STRN3: variants seen among roughly 807,000 people sequenced by gnomAD.
The protein encoded by STRN3 is striatin 3.
STRN3 carries 29 observed loss-of-function variants against 95.6 expected under a neutral mutation model. The ratio of observed to expected loss-of-function variants is 0.30; its 90% CI spans 0.23 to 0.41. The LOEUF is 0.41. Ranked by LOEUF, STRN3 falls within the 10% of genes least tolerant of loss-of-function variation. The pLI is 1.00. For missense variants in STRN3, 890 were observed against 972.1 expected (o/e 0.92, Z 1.12); for synonymous variants, 331 against 357.6 (o/e 0.93, Z 0.84).
intron 8 of STRN3, among the ~76,000 whole-genome samples, chr14:30,923,140 T>G (rs1468554339): frequency 6.6e-6 from 1 of 152,186 alleles, no homozygotes; most frequent in Non-Finnish European, 1.5e-5. Flanking sequence ...AACAGATAAT[T>G]TGTAGTGTGA....
At chr14:30,923,484 CA>C (rs1312978723) in intron 8 of STRN3, among the ~76,000 whole-genome samples, 1 of 151,532 alleles carries the variant, frequency 6.6e-6, no homozygotes, top group Non-Finnish European at 1.5e-5. Flanking sequence ...AGGGAAATGG[CA>C]AAAAAGTCAT....
intron 1 of STRN3, among the ~76,000 whole-genome samples, chr14:30,994,630 A>T (rs1882115194): frequency 6.6e-6 from 1 of 152,220 alleles, no homozygotes. Context: ...TAAAACTTCC[A>T]AACAAATTTA....
chr14:30,961,844 T>C (rs1320434464), intron 1 of STRN3, among the ~76,000 whole-genome samples: 1 of 152,324 alleles, frequency 6.6e-6, no homozygotes, highest in South Asian at 2.1e-4. Flanking sequence ...TGGCCTCAAG[T>C]GGTCCTCTTG....
At chr14:30,936,070 C>G (rs1477485731) in intron 6 of STRN3, among the ~76,000 whole-genome samples, 1 of 152,166 alleles carries the variant, frequency 6.6e-6, no homozygotes, top group Non-Finnish European at 1.5e-5. Flanking sequence ...TTTTATTATT[C>G]TTTACTAAAA....
chr14:30,901,277 TAA>T (rs11350824), intron 16 of STRN3, among the ~76,000 whole-genome samples: 43 of 144,096 alleles, frequency 3.0e-4, no homozygotes, highest in Non-Finnish European at 3.7e-4. Context: ...CCTGTCTCTA[TAA>T]AAAAAAAAAA....
At chr14:30,953,653 A>G (rs1252227468) in intron 3 of STRN3, among the ~76,000 whole-genome samples, 1 of 152,168 alleles carries the variant, frequency 6.6e-6, no homozygotes, top group Non-Finnish European at 1.5e-5. Context: ...TTTTTGAGAC[A>G]GGGTCTCACT....
At chr14:30,956,080 G>T in intron 2 of STRN3, 59 bp downstream of exon 2, 1 of 1,432,210 alleles carries the variant, frequency 7.0e-7, no homozygotes, top group Non-Finnish European at 9.8e-7. Flanking sequence ...GAGTACAATG[G>T]TATACATGAG....
chr14:30,987,328 A>C (rs1249756735), intron 1 of STRN3, among the ~76,000 whole-genome samples: 4 of 152,144 alleles, frequency 2.6e-5, no homozygotes, highest in Non-Finnish European at 4.4e-5. Flanking sequence ...TAACATGGTG[A>C]AACCCCATCT....
chr14:30,974,804 A>C (rs1195572545), intron 1 of STRN3, among the ~76,000 whole-genome samples: 1 of 92,450 alleles, frequency 1.1e-5, no homozygotes, highest in Admixed American at 1.0e-4. Flanking sequence ...AGACTGTCTT[A>C]AAACAAATAA....
chr14:30,910,185 T>C (rs1340822545), intron 13 of STRN3, among the ~76,000 whole-genome samples: 1 of 152,234 alleles, frequency 6.6e-6, no homozygotes. Flanking sequence ...GATTTTGGCT[T>C]GAATGTCACT....
Position 30,906,555 on chromosome 14 carries a change from G to A in STRN3, c.1888+322C>T, listed in dbSNP as rs571227345. On this transcript the variant is annotated intron_variant, in intron 14 of 17. Transcript: ENST00000357479. Reference sequence around the variant, plus strand: ...TATGCTTGAGACTGTGATCCCTTCGGTCTTTGTGGGGTAGTCGTCTGGAAC... The same window carrying A: ...TATGCTTGAGACTGTGATCCCTTCGATCTTTGTGGGGTAGTCGTCTGGAAC... 3.9e-5 allele frequency among the ~76,000 whole-genome samples: 6 copies of A among 152,218 alleles called. No homozygotes were observed. The East Asian group carries it at 1.2e-3, about 29-fold the overall frequency.
chr14:30,929,267 G>C lies in STRN3; in HGVS notation c.1033C>G (p.Gln345Glu). 6.2e-7 allele frequency: 1 copy of C among 1,613,220 alleles called. No individual in the cohort carries two copies. The highest frequency in any genetic ancestry group is 1.1e-5 in the South Asian group (1 of 91,014). Residue 345 changes from glutamine to glutamate, a missense_variant, in exon 8 of 18, where the codon CAG becomes GAG. Gln to Glu is a conservative substitution (Grantham distance 29, BLOSUM62 2). Coordinates refer to ENST00000357479, the MANE Select transcript of STRN3 (RefSeq NM_001083893.2). The part of the protein sequence containing the change: ...SPTAEVWDVD[Q>E]GLISKLKEQY... ...TCCTTCAGTTTACTTATTAGTCCCTGGTCTACATCCCAAACCTCAGCAGTT... is the reference window on the plus strand; with the variant it reads ...TCCTTCAGTTTACTTATTAGTCCCTCGTCTACATCCCAAACCTCAGCAGTT...
At chr14:31,007,412 A>T (rs1882768565) in intron 1 of STRN3, among the ~76,000 whole-genome samples, 1 of 152,220 alleles carries the variant, frequency 6.6e-6, no homozygotes, top group Non-Finnish European at 1.5e-5. Context: ...ATAGCAATAC[A>T]TACCTAGAAA....
chr14:31,022,657 T>A (rs1372170528), intron 1 of STRN3, among the ~76,000 whole-genome samples: 1 of 151,460 alleles, frequency 6.6e-6, no homozygotes, highest in African/African-American at 2.4e-5. Context: ...TTCCACTCTA[T>A]AAAAAAGAGC....
At chr14:30,960,417 G>T (rs1880133822) in intron 1 of STRN3, among the ~76,000 whole-genome samples, 2 of 152,126 alleles carry the variant, frequency 1.3e-5, no homozygotes, top group Admixed American at 1.3e-4. Context: ...ATGACTCAGG[G>T]ATAGGAAAAT....
chr14:30,984,327 C>T (rs1881573606), intron 1 of STRN3, among the ~76,000 whole-genome samples: 1 of 146,462 alleles, frequency 6.8e-6, no homozygotes, highest in Admixed American at 6.8e-5. Context: ...TTGCATGAAC[C>T]CAAGAGGCAG....
intron 15 of STRN3, among the ~76,000 whole-genome samples, chr14:30,903,639 T>C (rs1215252843): frequency 6.6e-6 from 1 of 152,196 alleles, no homozygotes; most frequent in Non-Finnish European, 1.5e-5. Flanking sequence ...CCTCAAGCTA[T>C]CTTCCCACAT....
chr14:30,950,777 TATG>T, intron 4 of STRN3, 83 bp downstream of exon 4: 1 of 1,237,846 alleles, frequency 8.1e-7, no homozygotes, highest in Non-Finnish European at 1.2e-6. Flanking sequence ...ATTGTCCCAA[TATG>T]ATTTTTTACT....
At position 30,912,202 on chromosome 14, in the gene STRN3, T is replaced by C. The variant is rs1226842942; in HGVS notation, c.1375-20A>G. 5 of 1,606,142 alleles carry C rather than the reference T, an allele frequency of 3.1e-6. No homozygotes were observed. The highest frequency in any genetic ancestry group is 4.2e-6 in the Non-Finnish European group (5 of 1,176,492). On this transcript the variant is annotated intron_variant, in intron 10 of 17. Coordinates refer to ENST00000357479, the MANE Select transcript of STRN3 (RefSeq NM_001083893.2). ...AGGCAACTAAAAGGAAAGAGCACAA[T>C]ATTTAGTGGTAAAAGTAGTAAACTG...
Sources: gnomAD v4.1 joint callset for allele counts (sites outside exome capture counted in the v4.1 genomes callset) on GRCh38, gnomAD v4.1.1 for gene constraint, MANE v1.5 for transcripts, NCBI Gene and HGNC (gene_info 2026-07-23, HGNC 2026-07-21) for gene names.